The following SLC16A12 variants were observed in gnomAD, a reference collection of about 807,000 sequenced individuals.
SLC16A12 encodes the protein monocarboxylate transporter 12.
SLC16A12 carries 17 observed loss-of-function variants against 42.4 expected under a neutral mutation model. The observed-to-expected ratio is 0.40, with a 90% CI of 0.27 to 0.60. The LOEUF is 0.60. Ranked by LOEUF, SLC16A12 falls within the 20% of genes least tolerant of loss-of-function variation. The pLI, the probability that SLC16A12 is intolerant of heterozygous loss-of-function variation, is 0.42. For synonymous variants in SLC16A12, 224 were observed against 229.4 expected (o/e 0.98, Z 0.21); for missense variants, 544 against 623.0 (o/e 0.87, Z 1.35).
intron 2 of SLC16A12, among the ~76,000 whole-genome samples, chr10:89,487,655 A>G (rs1842777280): frequency 1.3e-5 from 2 of 150,862 alleles, no homozygotes; most frequent in South Asian, 4.2e-4. Flanking sequence ...ACAAAAAAAA[A>G]AAAAAAATTA....
chr10:89,516,374 C>G (rs1172074596), intron 2 of SLC16A12, among the ~76,000 whole-genome samples: 1 of 152,186 alleles, frequency 6.6e-6, no homozygotes, highest in Non-Finnish European at 1.5e-5. Flanking sequence ...TCTTTGCAAC[C>G]TCTGGTTTAA....
chr10:89,435,771 C>T (rs1386732889), intron 7 of SLC16A12, among the ~76,000 whole-genome samples: 1 of 152,086 alleles, frequency 6.6e-6, no homozygotes, highest in East Asian at 1.9e-4. Context: ...TAAGGCTGAA[C>T]AACTGCTCCA....
chr10:89,498,218 G>A (rs1189321662), intron 2 of SLC16A12, among the ~76,000 whole-genome samples: 2 of 152,020 alleles, frequency 1.3e-5, no homozygotes, highest in African/African-American at 4.8e-5. Context: ...GGTAGGGGTG[G>A]TAGAGGGTGG....
intron 2 of SLC16A12, among the ~76,000 whole-genome samples, chr10:89,530,972 C>T (rs12770456): frequency 6.6e-6 from 1 of 152,136 alleles, no homozygotes; most frequent in Non-Finnish European, 1.5e-5. Context: ...TTTCAAGGTT[C>T]ATCCATGTCG....
intron 2 of SLC16A12, among the ~76,000 whole-genome samples, chr10:89,465,849 G>A (rs534645541): frequency 1.3e-4 from 20 of 152,324 alleles, no homozygotes; most frequent in African/African-American, 4.6e-4. Context: ...CACAGAACGG[G>A]AAGTATCCAG....
At position 89,541,062 on chromosome 10, in the gene SLC16A12, T is replaced by C. The variant is rs566483685; in HGVS notation, c.-47+14820A>G. On this transcript the variant is annotated intron_variant, in intron 2 of 2. Transcript: ENST00000475682. ...TCAGCCTCCTGAGTAGCTGGGACTATAGGTGCCCACCACCACGCCAGGCTA... is the reference window on the plus strand; with the variant it reads ...TCAGCCTCCTGAGTAGCTGGGACTACAGGTGCCCACCACCACGCCAGGCTA... Among the ~76,000 whole-genome samples the C allele has an allele frequency of 6.9e-3, 1,041 of 151,828 alleles. 4 individuals are homozygous for C. Among genetic ancestry groups the C allele is most frequent in the Non-Finnish European group, 0.012 (789 of 67,914 alleles).
chr10:89,539,893 C>CT (rs920221338), upstream of SLC16A12, among the ~76,000 whole-genome samples: 2 of 146,542 alleles, frequency 1.4e-5, no homozygotes, highest in African/African-American at 2.7e-5. Context: ...TTCTTTCTTT[C>CT]TTTCTTTCTT....
intron 2 of SLC16A12, among the ~76,000 whole-genome samples, chr10:89,470,378 G>A (rs1334728022): frequency 6.6e-6 from 1 of 152,230 alleles, no homozygotes; most frequent in Non-Finnish European, 1.5e-5. Flanking sequence ...AGGTAGCTGA[G>A]GGGGAAGTGC....
intron 2 of SLC16A12, among the ~76,000 whole-genome samples, chr10:89,475,367 AC>A (rs1229189069): frequency 1.3e-5 from 2 of 151,670 alleles, no homozygotes; most frequent in African/African-American, 4.9e-5. Flanking sequence ...AAGTTAAGAA[AC>A]CCCTCTCTCT....
chr10:89,501,741 A>C (rs1842993357), intron 2 of SLC16A12, among the ~76,000 whole-genome samples: 1 of 152,146 alleles, frequency 6.6e-6, no homozygotes, highest in African/African-American at 2.4e-5. Flanking sequence ...ACAGAGCAAG[A>C]CTTCATCTCA....
At chr10:89,492,265 G>A (rs538708918) in intron 2 of SLC16A12, among the ~76,000 whole-genome samples, 1 of 152,144 alleles carries the variant, frequency 6.6e-6, no homozygotes, top group South Asian at 2.1e-4. Context: ...TTACTTCATT[G>A]GCCAAAGCAT....
At chr10:89,443,907 C>A in intron 3 of SLC16A12, 48 bp from the exon 4 acceptor site, 2 of 1,201,622 alleles carry the variant, frequency 1.7e-6, no homozygotes, top group Non-Finnish European at 2.5e-6. Flanking sequence ...AATGAGCATG[C>A]ATTTGAGCCA....
At chr10:89,487,185 G>T (rs1415731341) in intron 2 of SLC16A12, among the ~76,000 whole-genome samples, 1 of 152,202 alleles carries the variant, frequency 6.6e-6, no homozygotes, top group Admixed American at 6.5e-5. Context: ...TCTCTAAGGG[G>T]AAATCACATC....
At chr10:89,541,136 C>T (rs1399906374) in intron 2 of SLC16A12, among the ~76,000 whole-genome samples, 1 of 151,526 alleles carries the variant, frequency 6.6e-6, no homozygotes, top group Admixed American at 6.6e-5. Context: ...CTGTGTTAGC[C>T]AGGATGGTCT....
At chr10:89,530,707 CGG>C (rs1442589092) in intron 2 of SLC16A12, among the ~76,000 whole-genome samples, 6 of 152,140 alleles carry the variant, frequency 3.9e-5, no homozygotes, top group African/African-American at 1.2e-4. Context: ...GTGTGAGCCA[CGG>C]CGCCCGGCTG....
intron 2 of SLC16A12, among the ~76,000 whole-genome samples, chr10:89,489,013 C>T (rs968463177): frequency 1.3e-5 from 2 of 152,138 alleles, no homozygotes; most frequent in African/African-American, 2.4e-5. Flanking sequence ...TGTACTTGTA[C>T]ATTTTACTTT....
At chr10:89,494,664 G>T (rs1842896697) in intron 2 of SLC16A12, among the ~76,000 whole-genome samples, 1 of 152,178 alleles carries the variant, frequency 6.6e-6, no homozygotes, top group African/African-American at 2.4e-5. Flanking sequence ...GAACAGATGG[G>T]ATCTGATTTA....
intron 3 of SLC16A12, among the ~76,000 whole-genome samples, chr10:89,449,921 C>A (rs1027056403): frequency 3.9e-5 from 6 of 152,050 alleles, no homozygotes; most frequent in Non-Finnish European, 7.4e-5. Context: ...AGAAAAAAAT[C>A]AAACAACCCC....
chr10:89,462,045 C>T lies in SLC16A12; in HGVS notation c.200+334G>A, dbSNP rs557577855. On this transcript the variant is annotated intron_variant, in intron 3 of 7. Coordinates refer to ENST00000371790, the MANE Select transcript of SLC16A12 (RefSeq NM_213606.4). ...GCATTGGCCTACAAATGTCCTAAGACTCCAGGTTTAAATATCAGATATGAT... is the reference window on the plus strand; with the variant it reads ...GCATTGGCCTACAAATGTCCTAAGATTCCAGGTTTAAATATCAGATATGAT... Among the ~76,000 whole-genome samples, 109 of 152,272 alleles carry T rather than the reference C, an allele frequency of 7.2e-4. 2 individuals carry two copies. Among genetic ancestry groups the T allele is most frequent in the African/African-American group, 2.5e-3 (104 of 41,558 alleles).
Sources: gnomAD v4.1 joint callset for allele counts (sites outside exome capture counted in the v4.1 genomes callset) on GRCh38, gnomAD v4.1.1 for gene constraint, MANE v1.5 for transcripts, NCBI Gene and HGNC (gene_info 2026-07-23, HGNC 2026-07-21) for gene names.